DIAPH3: variants seen among roughly 807,000 people sequenced by gnomAD.
The protein encoded by DIAPH3 is diaphanous related formin 3.
Under a neutral mutation model 144.3 loss-of-function variants are expected in DIAPH3, and 117 were observed. The ratio of observed to expected loss-of-function variants is 0.81; its 90% CI spans 0.70 to 0.95. The LOEUF (loss-of-function observed/expected upper bound fraction) is 0.95, where lower values mean the gene tolerates loss of function less well. Ranked by LOEUF, DIAPH3 falls within the 40% of genes least tolerant of loss-of-function variation. The pLI is 0.00. For synonymous variants in DIAPH3, 519 were observed against 488.9 expected, an observed-to-expected ratio of 1.06 and a Z score of -0.81; for missense variants, 1,421 against 1,412.7, an observed-to-expected ratio of 1.01 and a Z score of -0.09.
At chr13:60,079,227 T>C (rs1166059118) in intron 4 of DIAPH3, among the ~76,000 whole-genome samples, 1 of 152,098 alleles carries the variant, frequency 6.6e-6, no homozygotes, top group African/African-American at 2.4e-5. Flanking sequence ...GCATGATTTA[T>C]TTAAGATTCC....
At chr13:59,944,966 A>G (rs1594081422) in intron 17 of DIAPH3, among the ~76,000 whole-genome samples, 1 of 152,202 alleles carries the variant, frequency 6.6e-6, no homozygotes, top group East Asian at 1.9e-4. Context: ...CACCATCATC[A>G]ACATCTACAT....
In DIAPH3 at chr13:59,756,076, T is replaced by C. The variant is rs148276696; in HGVS notation, c.3319+18113A>G. Among the ~76,000 whole-genome samples the C allele has an allele frequency of 5.3e-5, 8 of 152,274 alleles. No homozygotes were observed. The East Asian group carries it at 1.5e-3, about 29-fold the overall frequency. The stretch of plus-strand genomic sequence containing the variant: ...TGAGTAGCACTTGGGAATTGAGAAA[T>C]GCAAATTCTCATGCCTACCATAAAC... On this transcript the variant is annotated intron_variant, in intron 27 of 27. Transcript: ENST00000400324.
intron 27 of DIAPH3, among the ~76,000 whole-genome samples, chr13:59,685,259 A>G (rs2033155661): frequency 6.6e-6 from 1 of 152,158 alleles, no homozygotes; most frequent in Middle Eastern, 3.2e-3. Context: ...CTTGAAATAT[A>G]CCTTCAAATA....
At chr13:59,974,261 T>C (rs1225877533) in intron 15 of DIAPH3, 91 bp downstream of exon 15, 1 of 981,772 alleles carries the variant, frequency 1.0e-6, no homozygotes, top group Admixed American at 2.0e-5. Context: ...AAAATTAAAG[T>C]TTAAACATTT....
chr13:59,991,156 A>G lies in DIAPH3; in HGVS notation c.1361+2T>C. On this transcript the variant is annotated splice_donor_variant, in intron 12 of 27. Transcript: ENST00000400324. LOFTEE classifies it high-confidence loss of function. ...AAACATTAGAATACAACTTCCTCTTACCTTATAAAATAATCATTTCGAATC... is the reference window on the plus strand; with the variant it reads ...AAACATTAGAATACAACTTCCTCTTGCCTTATAAAATAATCATTTCGAATC... The G allele has an allele frequency of 2.6e-6, 4 of 1,551,910 alleles. No homozygotes were observed. Among genetic ancestry groups the G allele is most frequent in the Non-Finnish European group, 3.6e-6 (4 of 1,126,386 alleles).
chr13:59,833,358 T>A, intron 23 of DIAPH3, 87 bp from the exon 24 acceptor site: 2 of 991,672 alleles, frequency 2.0e-6, no homozygotes, highest in Non-Finnish European at 3.0e-6. Flanking sequence ...TTTAGTCTAA[T>A]AGCCACCATT....
intron 27 of DIAPH3, among the ~76,000 whole-genome samples, chr13:59,741,564 T>C (rs1442803981): frequency 2.0e-5 from 3 of 151,858 alleles, no homozygotes; most frequent in Non-Finnish European, 4.4e-5. Flanking sequence ...CATGACCAGC[T>C]GGCAACATAG....
chr13:59,767,417 C>A (rs1032042274), intron 27 of DIAPH3, among the ~76,000 whole-genome samples: 3 of 151,830 alleles, frequency 2.0e-5, no homozygotes, highest in Non-Finnish European at 4.4e-5. Flanking sequence ...ATAAGTAATT[C>A]TTTAATCCTC....
intron 27 of DIAPH3, among the ~76,000 whole-genome samples, chr13:59,667,629 G>A (rs1566164732): frequency 6.6e-6 from 1 of 152,158 alleles, no homozygotes; most frequent in African/African-American, 2.4e-5. Context: ...TAATTGTCAA[G>A]TATATACACA....
chr13:59,894,400 G>A lies in DIAPH3; in HGVS notation c.2368-14932C>T, dbSNP rs2045977337. On this transcript the variant is annotated intron_variant, in intron 20 of 27. Transcript: ENST00000400324. The stretch of plus-strand genomic sequence containing the variant: ...GGAAGTACAGGTTGAGGAAACAGTG[G>A]TCTCTAACTGCTAAGAGAGATCATT... Among the ~76,000 whole-genome samples, 6 of 152,144 alleles carry A rather than the reference G, an allele frequency of 3.9e-5. No individual in the cohort carries two copies. In the South Asian group the frequency reaches 1.0e-3, roughly 26 times the overall value.
intron 5 of DIAPH3, among the ~76,000 whole-genome samples, chr13:60,031,523 A>G (rs533525889): frequency 2.0e-5 from 3 of 152,256 alleles, no homozygotes; most frequent in African/African-American, 7.2e-5. Flanking sequence ...CATTAACTCT[A>G]AAGTCCAAAG....
intron 27 of DIAPH3, among the ~76,000 whole-genome samples, chr13:59,700,200 T>C (rs1055825850): frequency 6.6e-6 from 1 of 152,178 alleles, no homozygotes; most frequent in Non-Finnish European, 1.5e-5. Context: ...AAAGAGCAAT[T>C]CTAATAATGA....
intron 22 of DIAPH3, among the ~76,000 whole-genome samples, chr13:59,854,627 T>A (rs1261999482): frequency 6.6e-6 from 1 of 152,192 alleles, no homozygotes; most frequent in East Asian, 1.9e-4. Flanking sequence ...TTCTTTCACC[T>A]ACTTCATATT....
chr13:59,732,960 G>T (rs1205900711), intron 27 of DIAPH3, among the ~76,000 whole-genome samples: 1 of 152,216 alleles, frequency 6.6e-6, no homozygotes, highest in East Asian at 1.9e-4. Flanking sequence ...GGTAGAAGTC[G>T]TGAAATTTTT....
chr13:59,760,172 A>G (rs572491434), intron 27 of DIAPH3, among the ~76,000 whole-genome samples: 1 of 152,312 alleles, frequency 6.6e-6, no homozygotes, highest in Non-Finnish European at 1.5e-5. Flanking sequence ...AGCATACATC[A>G]TCACTCTCAT....
intron 27 of DIAPH3, among the ~76,000 whole-genome samples, chr13:59,716,979 CACTT>C (rs1276142872): frequency 6.6e-6 from 1 of 151,770 alleles, no homozygotes; most frequent in Admixed American, 6.6e-5. Flanking sequence ...AAAAAAATCT[CACTT>C]AATTTTTTAA....
chr13:59,866,513 C>A (rs1026321196), intron 21 of DIAPH3, among the ~76,000 whole-genome samples: 1 of 152,002 alleles, frequency 6.6e-6, no homozygotes, highest in Non-Finnish European at 1.5e-5. Flanking sequence ...TTAATTCTAG[C>A]CTGGAAAGCA....
chr13:59,968,478 A>C (rs552233135), intron 17 of DIAPH3, among the ~76,000 whole-genome samples: 1 of 152,284 alleles, frequency 6.6e-6, no homozygotes, highest in South Asian at 2.1e-4. Context: ...ATTTGAAGAA[A>C]ATTTTGATCC....
chr13:60,094,726 G>A (rs1238519827), intron 3 of DIAPH3, among the ~76,000 whole-genome samples: 4 of 152,144 alleles, frequency 2.6e-5, no homozygotes, highest in Non-Finnish European at 5.9e-5. Context: ...ATCAAACGCT[G>A]TAGTTTATGC....
Sources: gnomAD v4.1 joint callset for allele counts (sites outside exome capture counted in the v4.1 genomes callset) on GRCh38, gnomAD v4.1.1 for gene constraint, MANE v1.5 for transcripts, NCBI Gene and HGNC (gene_info 2026-07-23, HGNC 2026-07-21) for gene names.